The following FAT1 variants were observed in gnomAD, a reference collection of about 807,000 sequenced individuals.
FAT1 encodes protocadherin Fat 1.
Under a neutral mutation model 329.8 loss-of-function variants are expected in FAT1, and 171 were observed. The observed-to-expected ratio is 0.52, with a 90% CI of 0.46 to 0.59. The LOEUF is 0.59. FAT1 is among the 20% of genes least tolerant of loss of function. FAT1 has a pLI of 0.00. For synonymous variants in FAT1, 2,233 were observed against 2,228.6 expected, an observed-to-expected ratio of 1.00 and a Z score of -0.06; for missense variants, 5,672 against 5,774.4, an observed-to-expected ratio of 0.98 and a Z score of 0.57.
At position 186,708,626 on chromosome 4, in the gene FAT1, A is replaced by G. The variant is rs774763186; in HGVS notation, c.1202T>C (p.Val401Ala). 9 of 1,613,966 alleles carry G rather than the reference A, an allele frequency of 5.6e-6. No homozygotes were observed. In the South Asian group the frequency reaches 9.9e-5, roughly 18 times the overall value. ...AGCTTTTCCAGGTGTACTTTTAAAA[A>G]CATACCTCAAATGGGAATAAGCAGG... ...AIPAYSHLRY[V>A]FKSTPGKAKF... Residue 401 changes from valine to alanine, a missense_variant, in exon 2 of 27, where the codon GTT becomes GCT. Transcript: ENST00000441802.
intron 26 of FAT1, among the ~76,000 whole-genome samples, chr4:186,591,747 A>G (rs1419145963): frequency 6.6e-6 from 1 of 152,204 alleles, no homozygotes; most frequent in Non-Finnish European, 1.5e-5. Context: ...AGGCGTCATC[A>G]GTAACTATAA....
chr4:186,637,123 C>A (rs567322018), intron 4 of FAT1, among the ~76,000 whole-genome samples: 2 of 152,176 alleles, frequency 1.3e-5, no homozygotes, highest in South Asian at 2.1e-4. Context: ...GTCAGGGGGC[C>A]GGGCATGGCT....
At chr4:186,601,936 G>T (rs967442931) in intron 20 of FAT1, among the ~76,000 whole-genome samples, 9 of 152,100 alleles carry the variant, frequency 5.9e-5, no homozygotes, top group Admixed American at 2.0e-4. Context: ...ATGATATAAA[G>T]ACAGAGGTAA....
intron 11 of FAT1, among the ~76,000 whole-genome samples, chr4:186,615,298 T>A (rs1052811213): frequency 6.6e-6 from 1 of 152,166 alleles, no homozygotes; most frequent in Non-Finnish European, 1.5e-5. Flanking sequence ...CCCTCAGAAG[T>A]TCCCCTTCCC....
intron 3 of FAT1, among the ~76,000 whole-genome samples, chr4:186,640,877 A>G (rs562630448): frequency 1.3e-5 from 2 of 152,232 alleles, no homozygotes; most frequent in African/African-American, 2.4e-5. Context: ...TGCATGCAGG[A>G]TGATCTGCAC....
intron 21 of FAT1, 42 bp from the exon 22 acceptor site, chr4:186,600,402 C>A (rs765088170): frequency 1.3e-6 from 2 of 1,493,754 alleles, no homozygotes; most frequent in South Asian, 1.3e-5. Flanking sequence ...TCTCATAGAA[C>A]CTTCAATGAG....
At position 186,663,631 on chromosome 4, in the gene FAT1, A is replaced by G. The variant is rs1390957692; in HGVS notation, c.3266-18T>C. 1 of 1,576,616 alleles carries G rather than the reference A, an allele frequency of 6.3e-7. No individual in the cohort carries two copies. The highest frequency in any genetic ancestry group is 8.6e-7 in the Non-Finnish European group (1 of 1,165,452). ...TATGACACCTACAGAGAAAAAAGAA[A>G]AGCGTAAAGCAGCACATCAACGACC... On this transcript the variant is annotated intron_variant, in intron 2 of 26. Transcript: ENST00000441802.
At chr4:186,651,061 T>TC (rs1560966729) in intron 3 of FAT1, among the ~76,000 whole-genome samples, 3 of 149,150 alleles carry the variant, frequency 2.0e-5, no homozygotes, top group Non-Finnish European at 4.5e-5. Flanking sequence ...AAATAATTTA[T>TC]TTATTATTAA....
intron 2 of FAT1, among the ~76,000 whole-genome samples, chr4:186,686,817 T>C (rs569443126): frequency 6.6e-6 from 1 of 152,312 alleles, no homozygotes; most frequent in South Asian, 2.1e-4. Flanking sequence ...TTATACACTA[T>C]GGACACAGGT....
rs187997966 is a variant in FAT1 at position 186,602,347 on chromosome 4, T to A, written c.11482+556A>T. 9.2e-5 allele frequency among the ~76,000 whole-genome samples: 14 copies of A among 152,340 alleles called. 2 individuals are homozygous for A. The highest frequency in any genetic ancestry group is 9.1e-4 in the Admixed American group (14 of 15,308). ...GAGATAGCAAATTCTAGTTTTATAA[T>A]CTATACACCGTATAGAAATGAACGC... On this transcript the variant is annotated intron_variant, in intron 20 of 26. Transcript: ENST00000441802.
chr4:186,598,265 G>A, intron 22 of FAT1, 140 bp from the exon 23 acceptor site: 1 of 794,950 alleles, frequency 1.3e-6, no homozygotes, highest in Non-Finnish European at 1.9e-6. Context: ...AAAAAAGTTG[G>A]CTACATCAAC....
At chr4:186,705,349 TTG>T (rs1407824205) in intron 2 of FAT1, among the ~76,000 whole-genome samples, 2 of 152,158 alleles carry the variant, frequency 1.3e-5, no homozygotes, top group Non-Finnish European at 2.9e-5. Context: ...TCTTGTTTTT[TTG>T]TGTGTGTGGT....
At chr4:186,689,050 T>C (rs1025784060) in intron 2 of FAT1, among the ~76,000 whole-genome samples, 19 of 152,184 alleles carry the variant, frequency 1.2e-4, no homozygotes, top group Non-Finnish European at 2.2e-4. Context: ...CAAAAAGAAG[T>C]GTGAAAAGCA....
intron 16 of FAT1, among the ~76,000 whole-genome samples, chr4:186,607,684 T>C (rs1739217445): frequency 6.6e-6 from 1 of 151,316 alleles, no homozygotes; most frequent in Non-Finnish European, 1.5e-5. Flanking sequence ...GGTGGACAGG[T>C]CGGTGGGTGG....
chr4:186,606,913 G>A (rs1739172015), intron 16 of FAT1, among the ~76,000 whole-genome samples: 1 of 152,216 alleles, frequency 6.6e-6, no homozygotes, highest in Admixed American at 6.5e-5. Flanking sequence ...ACGCTCCAAT[G>A]AAAAAGAATT....
intron 3 of FAT1, among the ~76,000 whole-genome samples, chr4:186,646,409 G>A (rs1175031812): frequency 6.6e-6 from 1 of 152,134 alleles, no homozygotes; most frequent in Admixed American, 6.5e-5. Flanking sequence ...CTGTCCAACA[G>A]AAATTTCTGT....
chr4:186,725,128 A>C (rs1023264565), upstream of FAT1, among the ~76,000 whole-genome samples: 5 of 152,142 alleles, frequency 3.3e-5, no homozygotes, highest in Non-Finnish European at 5.9e-5. The surrounding 1 kb of genome is among the most constrained non-coding windows in gnomAD (Gnocchi z 5.4). Flanking sequence ...CAGCAAATGC[A>C]AACTCCATCA....
intron 9 of FAT1, among the ~76,000 whole-genome samples, chr4:186,623,229 G>C (rs1293608083): frequency 6.6e-6 from 1 of 152,214 alleles, no homozygotes; most frequent in Non-Finnish European, 1.5e-5. Flanking sequence ...CCGAGAACTG[G>C]GTCCTGCTGC....
intron 2 of FAT1, among the ~76,000 whole-genome samples, chr4:186,691,852 C>T (rs766298643): frequency 6.6e-5 from 10 of 151,994 alleles, no homozygotes; most frequent in Non-Finnish European, 1.0e-4. Flanking sequence ...CAAGACGATT[C>T]GTTCTGACAT....
Sources: allele counts gnomAD v4.1 joint callset (sites outside exome capture counted in the v4.1 genomes callset), GRCh38; gene constraint gnomAD v4.1.1; non-coding constraint Gnocchi (gnomAD v3.1); transcripts MANE v1.5; gene names NCBI Gene and HGNC (gene_info 2026-07-23, HGNC 2026-07-21).